Variants in FGF2 observed in about 807,000 individuals in gnomAD.
FGF2 encodes the protein basic fibroblast growth factor bFGF.
FGF2 carries 13 observed loss-of-function variants against 15.9 expected under a neutral mutation model. That is an observed-to-expected ratio of 0.82 (90% confidence interval 0.53 to 1.30). The LOEUF (loss-of-function observed/expected upper bound fraction) is 1.30, where lower values mean the gene tolerates loss of function less well. Among genes scored for constraint, FGF2 ranks in the 50% most tolerant of loss-of-function variants. FGF2 has a pLI of 0.00. For synonymous variants in FGF2, 90 were observed against 78.4 expected (o/e 1.15, Z -0.78); for missense variants, 163 against 196.9 (o/e 0.83, Z 1.03).
In FGF2 at chr4:122,897,621, C is replaced by G. The variant is rs561457664; in HGVS notation, c.*5225C>G. ...GCCAATTAAAAATATAAAAGATACA[C>G]ACCAATATCTTCTTCAGGCTCTGAC... On this transcript the variant is annotated 3_prime_UTR_variant, in exon 3 of 3. Coordinates refer to ENST00000644866, the MANE Select transcript of FGF2 (RefSeq NM_001361665.2). 9 of 1,589,960 alleles carry G rather than the reference C, an allele frequency of 5.7e-6. No homozygotes were observed. The highest frequency in any genetic ancestry group is 7.8e-6 in the Non-Finnish European group (9 of 1,158,310).
intron 1 of FGF2, among the ~76,000 whole-genome samples, chr4:122,869,834 C>A (rs535258409): frequency 6.6e-4 from 100 of 152,286 alleles, no homozygotes; most frequent in Middle Eastern, 3.4e-3. Context: ...TTGTTTCTTT[C>A]TCTTGCCTGA....
chr4:122,848,173 T>G (rs1293752021), intron 1 of FGF2, among the ~76,000 whole-genome samples: 4 of 152,222 alleles, frequency 2.6e-5, no homozygotes, highest in African/African-American at 4.8e-5. Flanking sequence ...GGTACTAGAC[T>G]GGCCTCCTGT....
intron 1 of FGF2, among the ~76,000 whole-genome samples, chr4:122,874,729 A>G (rs1563707): frequency 6.6e-6 from 1 of 151,968 alleles, no homozygotes; most frequent in South Asian, 2.1e-4. Context: ...GGTAGGAAAA[A>G]TTTTAAAACA....
rs200650453 is a variant in FGF2, at chr4:122,893,215, C to T, written c.*819C>T. On this transcript the variant is annotated 3_prime_UTR_variant, in exon 3 of 3. Coordinates refer to ENST00000644866, the MANE Select transcript of FGF2 (RefSeq NM_001361665.2). Reference sequence around the variant, plus strand: ...CAGTCTCTTCAAAAACTTCTCGAACCGCTGTGTCTCCTACGTAAAAAAAGA... The same window carrying T: ...CAGTCTCTTCAAAAACTTCTCGAACTGCTGTGTCTCCTACGTAAAAAAAGA... The T allele has an allele frequency of 1.7e-4, 265 of 1,602,630 alleles. No individual in the cohort carries two copies. The highest frequency in any genetic ancestry group is 2.1e-4 in the Non-Finnish European group (247 of 1,172,988).
At chr4:122,870,839 C>G (rs1371715049) in intron 1 of FGF2, among the ~76,000 whole-genome samples, 1 of 151,664 alleles carries the variant, frequency 6.6e-6, no homozygotes, top group African/African-American at 2.4e-5. Context: ...CTTCTATGAT[C>G]TTAGTTATTT....
chr4:122,883,161 T>C (rs1190110364), intron 2 of FGF2: 2 of 152,194 alleles, frequency 1.3e-5, no homozygotes, highest in Non-Finnish European at 2.9e-5. Flanking sequence ...TTATGACACA[T>C]CCCTGGGTTC....
At chr4:122,860,288 T>C (rs2150775673) in intron 1 of FGF2, among the ~76,000 whole-genome samples, 1 of 152,250 alleles carries the variant, frequency 6.6e-6, no homozygotes, top group Non-Finnish European at 1.5e-5. Context: ...TATATTCTTG[T>C]ATCAAGCAAG....
intron 1 of FGF2, among the ~76,000 whole-genome samples, chr4:122,872,527 C>G (rs1253350251): frequency 6.6e-6 from 1 of 151,784 alleles, no homozygotes; most frequent in African/African-American, 2.4e-5. Context: ...ACAGAGAACA[C>G]CACCAAGATA....
chr4:122,826,743 C>G, upstream of FGF2: 1 of 1,270,830 alleles, frequency 7.9e-7, no homozygotes. Context: ...GGGGGCGGCG[C>G]GCAGGAGGGA....
Position 122,875,060 on chromosome 4 carries a change from G to T in FGF2, c.179-1261G>T, listed in dbSNP as rs1455499132. Among the ~76,000 whole-genome samples, 3 of 152,096 alleles carry T rather than the reference G, an allele frequency of 2.0e-5. No homozygotes were observed. The East Asian group carries it at 5.8e-4, about 29-fold the overall frequency. On this transcript the variant is annotated intron_variant, in intron 1 of 2. Transcript: ENST00000644866. ...TAAAGAGTTAACTTGGTTTAACTAA[G>T]ATTTTCCTAAATTATTTGACACCAG...
At position 122,892,582 on chromosome 4, in the gene FGF2, T is replaced by A. The variant is rs1198326823; in HGVS notation, c.*186T>A. On this transcript the variant is annotated 3_prime_UTR_variant, in exon 3 of 3. Coordinates refer to ENST00000644866, the MANE Select transcript of FGF2 (RefSeq NM_001361665.2). The stretch of plus-strand genomic sequence containing the variant: ...AAGAAAAATAACAAAAGTTGTAAAA[T>A]GTATATTCTCCCTTTTATATTGCAT... 1 of 1,445,638 alleles carries A rather than the reference T, an allele frequency of 6.9e-7. No homozygotes were observed. The highest frequency in any genetic ancestry group is 1.4e-5 in the African/African-American group (1 of 69,768). 89.6% of individuals were successfully genotyped at this position (1,445,638 alleles called of 1,614,324 possible).
rs560855625 is a variant in FGF2 at position 122,875,989 on chromosome 4, C to T, written c.179-332C>T. ...AAAAAATGTAAATAGTTAACAGGGG[C>T]GATTGAAAGCTAACTGCCCAACAAA... On this transcript the variant is annotated intron_variant, in intron 1 of 2. Transcript: ENST00000644866. Among the ~76,000 whole-genome samples, 49 of 152,224 alleles carry T rather than the reference C, an allele frequency of 3.2e-4. No homozygotes were observed. In the Middle Eastern group the frequency reaches 0.01, roughly 32 times the overall value.
chr4:122,841,791 T>G (rs1383669031), intron 1 of FGF2, among the ~76,000 whole-genome samples: 1 of 152,196 alleles, frequency 6.6e-6, no homozygotes, highest in East Asian at 1.9e-4. Flanking sequence ...AAAATTCACT[T>G]AGTTATTTCC....
At position 122,895,664 on chromosome 4, in the gene FGF2, T is replaced by A. The variant is rs1727327566; in HGVS notation, c.*3268T>A. ...TTTATACTCTTAGGGTATTATTTTA[T>A]ACAAAAGCCTTGAGGATTGCATTCT... On this transcript the variant is annotated 3_prime_UTR_variant, in exon 3 of 3. Transcript: ENST00000644866. 1 of 152,220 alleles carries A rather than the reference T, an allele frequency of 6.6e-6. No homozygotes were observed. Among genetic ancestry groups the A allele is most frequent in the South Asian group, 2.1e-4 (1 of 4,834 alleles). 9.4% of individuals were successfully genotyped at this position (152,220 alleles called of 1,614,324 possible). A position where few individuals can be genotyped will look rare whatever the true frequency, so the allele number is the denominator to read the frequency against.
intron 1 of FGF2, among the ~76,000 whole-genome samples, chr4:122,861,368 T>C (rs45488992): frequency 0.012 from 1,765 of 152,344 alleles, 36 homozygotes; most frequent in African/African-American, 0.039. Flanking sequence ...AGGGAACATA[T>C]ATCATTGTCT....
chr4:122,845,233 G>A (rs569391676), intron 1 of FGF2, among the ~76,000 whole-genome samples: 2 of 152,140 alleles, frequency 1.3e-5, no homozygotes, highest in African/African-American at 2.4e-5. Flanking sequence ...AGTAAACCAC[G>A]ATGTAAACAG....
chr4:122,834,132 T>C (rs1348435742), intron 1 of FGF2, among the ~76,000 whole-genome samples: 4 of 152,178 alleles, frequency 2.6e-5, no homozygotes, highest in Non-Finnish European at 5.9e-5. Flanking sequence ...GGGTTCATAT[T>C]AACAGGCCCC....
chr4:122,845,813 A>G (rs929030277), intron 1 of FGF2, among the ~76,000 whole-genome samples: 1 of 152,212 alleles, frequency 6.6e-6, no homozygotes, highest in Non-Finnish European at 1.5e-5. Flanking sequence ...CCATATCAGC[A>G]ATAAGGCTGT....
chr4:122,827,114 G>A lies in FGF2; in HGVS notation c.-61G>A, dbSNP rs1208660710. ...TCGGAGGCCGGGGCCGGGGCCGGGGGACGGCGGCTCCCCGCGCGGCTCCAG... is the reference window on the plus strand; with the variant it reads ...TCGGAGGCCGGGGCCGGGGCCGGGGAACGGCGGCTCCCCGCGCGGCTCCAG... On this transcript the variant is annotated 5_prime_UTR_variant, in exon 1 of 3. Transcript: ENST00000644866. The surrounding 1 kb of genome is among the most constrained non-coding windows in gnomAD (Gnocchi z 4.2). 3.5e-5 allele frequency: 44 copies of A among 1,267,308 alleles called. No individual in the cohort carries two copies. Among genetic ancestry groups the A allele is most frequent in the South Asian group, 1.7e-4 (6 of 36,058 alleles). The allele number at this position is 1,267,308 out of a possible 1,614,324, so 78.5% of individuals were successfully genotyped here.
Sources: gnomAD v4.1 joint callset for allele counts (sites outside exome capture counted in the v4.1 genomes callset) on GRCh38, gnomAD v4.1.1 for gene constraint, Gnocchi (gnomAD v3.1) non-coding constraint, MANE v1.5 for transcripts, NCBI Gene and HGNC (gene_info 2026-07-23, HGNC 2026-07-21) for gene names.